Variants in EYS observed in about 807,000 individuals in gnomAD.
The protein encoded by EYS is protein eyes shut homolog.
EYS carries 250 observed loss-of-function variants against 282.1 expected under a neutral mutation model. The ratio of observed to expected loss-of-function variants is 0.89; its 90% CI spans 0.80 to 0.98. The LOEUF (loss-of-function observed/expected upper bound fraction) is 0.98. Among genes scored for constraint, EYS ranks in the 50% least tolerant of loss-of-function variants. EYS has a pLI of 0.00. For synonymous variants in EYS, 1,355 were observed against 1,282.9 expected, an observed-to-expected ratio of 1.06 and a Z score of -1.20; for missense variants, 4,016 against 3,709.0, an observed-to-expected ratio of 1.08 and a Z score of -2.15.
intron 29 of EYS, among the ~76,000 whole-genome samples, chr6:64,343,415 G>A (rs1228477276): frequency 1.3e-5 from 2 of 151,884 alleles, no homozygotes; most frequent in Admixed American, 6.6e-5. Context: ...ACTCAAAACT[G>A]CTCAACTACA....
chr6:64,886,962 G>T, intron 18 of EYS, 120 bp from the exon 19 acceptor site: 6 of 677,498 alleles, frequency 8.9e-6, no homozygotes, highest in Non-Finnish European at 1.1e-5. Context: ...AATAATATAT[G>T]TATTTCATTT....
chr6:65,015,568 A>T (rs1157645007), intron 13 of EYS, among the ~76,000 whole-genome samples: 1 of 152,112 alleles, frequency 6.6e-6, no homozygotes, highest in East Asian at 1.9e-4. Context: ...ATGCTGCTTT[A>T]TTTCTTTGAA....
intron 22 of EYS, among the ~76,000 whole-genome samples, chr6:64,798,322 T>G (rs866684114): frequency 6.6e-6 from 1 of 151,924 alleles, no homozygotes; most frequent in African/African-American, 2.4e-5. Flanking sequence ...GTGAATAATT[T>G]TCATCCATAC....
chr6:64,079,259 T>A (rs1474921747), intron 32 of EYS, among the ~76,000 whole-genome samples: 1 of 152,088 alleles, frequency 6.6e-6, no homozygotes, highest in Non-Finnish European at 1.5e-5. Flanking sequence ...TCTAAAGCTA[T>A]CATTTAAACA....
intron 2 of EYS, among the ~76,000 whole-genome samples, chr6:65,601,117 T>A (rs1439010062): frequency 6.6e-6 from 1 of 151,952 alleles, no homozygotes. Flanking sequence ...CAGTTTAAAA[T>A]TAGGTAGCTT....
chr6:65,345,820 T>C (rs950329487), intron 9 of EYS, among the ~76,000 whole-genome samples: 5 of 151,162 alleles, frequency 3.3e-5, no homozygotes, highest in Admixed American at 6.6e-5. Context: ...AAAAAAATGA[T>C]ACACTGACTA....
intron 22 of EYS, among the ~76,000 whole-genome samples, chr6:64,654,659 T>C (rs1435402282): frequency 6.6e-6 from 1 of 152,212 alleles, no homozygotes; most frequent in Non-Finnish European, 1.5e-5. Context: ...AAAAATGTTA[T>C]GATGCTATTG....
intron 24 of EYS, 95 bp downstream of exon 24, chr6:64,617,323 T>A (rs1445304261): frequency 2.5e-6 from 2 of 813,866 alleles, no homozygotes; most frequent in Non-Finnish European, 4.1e-6. Flanking sequence ...GATTAACTAC[T>A]CCGACCTTAT....
At chr6:65,531,272 T>C (rs1460360570) in intron 2 of EYS, among the ~76,000 whole-genome samples, 1 of 152,186 alleles carries the variant, frequency 6.6e-6, no homozygotes, top group Non-Finnish European at 1.5e-5. Context: ...GAAATGGCTT[T>C]AAGAGGCAAT....
chr6:65,416,296 T>C (rs1194972423), intron 5 of EYS, among the ~76,000 whole-genome samples: 2 of 151,914 alleles, frequency 1.3e-5, no homozygotes, highest in Non-Finnish European at 2.9e-5. Flanking sequence ...TTTTTCATAG[T>C]AATAGTAAGT....
intron 19 of EYS, among the ~76,000 whole-genome samples, chr6:64,882,447 A>G (rs1312649676): frequency 6.6e-6 from 1 of 151,742 alleles, no homozygotes; most frequent in African/African-American, 2.4e-5. Flanking sequence ...GGTTGAGCAC[A>G]ATTCAGTTGC....
chr6:64,011,877 T>A (rs890705131), intron 33 of EYS, among the ~76,000 whole-genome samples: 2 of 152,166 alleles, frequency 1.3e-5, no homozygotes, highest in Non-Finnish European at 2.9e-5. Context: ...CTTTCACAGG[T>A]GCAAAACATA....
intron 22 of EYS, among the ~76,000 whole-genome samples, chr6:64,675,378 C>G (rs72508503): frequency 6.6e-6 from 1 of 151,396 alleles, no homozygotes; most frequent in Non-Finnish European, 1.5e-5. Flanking sequence ...TGGTCATATG[C>G]CTGTGATTGC....
intron 35 of EYS, among the ~76,000 whole-genome samples, chr6:63,887,880 T>C (rs945683795): frequency 2.0e-5 from 3 of 152,144 alleles, no homozygotes; most frequent in Non-Finnish European, 4.4e-5. Flanking sequence ...CTCACCCCCA[T>C]GGAGCCCAGC....
chr6:65,354,224 T>G (rs1764392072), intron 8 of EYS, among the ~76,000 whole-genome samples: 2 of 152,076 alleles, frequency 1.3e-5, no homozygotes, highest in South Asian at 4.1e-4. Flanking sequence ...TAGGAAGACA[T>G]CAACCAGCAT....
At chr6:64,741,872 G>C (rs1461574240) in intron 22 of EYS, among the ~76,000 whole-genome samples, 1 of 152,142 alleles carries the variant, frequency 6.6e-6, no homozygotes, top group Non-Finnish European at 1.5e-5. Flanking sequence ...TACCTGGTTT[G>C]ATCTTCTATC....
intron 28 of EYS, among the ~76,000 whole-genome samples, chr6:64,434,142 G>A (rs904144631): frequency 2.6e-5 from 4 of 151,782 alleles, no homozygotes; most frequent in Non-Finnish European, 5.9e-5. Flanking sequence ...TTAGGAGATA[G>A]ACACATACAA....
intron 26 of EYS, among the ~76,000 whole-genome samples, chr6:64,518,991 A>C (rs150628429): frequency 6.6e-6 from 1 of 151,850 alleles, no homozygotes; most frequent in Admixed American, 6.6e-5. Context: ...ACAGGGAATA[A>C]GAACAAATTT....
chr6:65,633,349 A>G (rs1439580739), intron 2 of EYS, among the ~76,000 whole-genome samples: 1 of 152,228 alleles, frequency 6.6e-6, no homozygotes, highest in Non-Finnish European at 1.5e-5. Context: ...AAGAGGAAAG[A>G]AAAGCTCAAT....
Sources: gnomAD v4.1 joint callset for allele counts (sites outside exome capture counted in the v4.1 genomes callset) on GRCh38, gnomAD v4.1.1 for gene constraint, MANE v1.5 for transcripts, NCBI Gene and HGNC (gene_info 2026-07-23, HGNC 2026-07-21) for gene names.